Variants in CLSTN2 observed in about 807,000 individuals in gnomAD.
The protein encoded by CLSTN2 is calsyntenin 2, also known as calsyntenin-2.
In CLSTN2, 48 loss-of-function variants were observed where a neutral mutation model predicts 101.2. That is an observed-to-expected ratio of 0.47 (90% CI 0.38 to 0.60). The LOEUF (loss-of-function observed/expected upper bound fraction) is 0.60. CLSTN2 is among the 20% of genes least tolerant of loss of function. The pLI, the probability that CLSTN2 is intolerant of heterozygous loss-of-function variation, is 0.00. For missense variants in CLSTN2, 1,160 were observed against 1,238.2 expected (o/e 0.94, Z 0.95); for synonymous variants, 481 against 463.6 (o/e 1.04, Z -0.48).
intron 1 of CLSTN2, among the ~76,000 whole-genome samples, chr3:139,958,080 G>C (rs1224925034): frequency 6.6e-6 from 1 of 152,154 alleles, no homozygotes; most frequent in Non-Finnish European, 1.5e-5. Context: ...GCTTAGCCAG[G>C]GTGCCTGGCT....
At chr3:140,362,900 C>T (rs141727154) in intron 2 of CLSTN2, among the ~76,000 whole-genome samples, 1,546 of 152,070 alleles carry the variant, frequency 0.01, 34 homozygotes, top group African/African-American at 0.036. Flanking sequence ...AATCATGCCA[C>T]CACTTTAGGA....
intron 1 of CLSTN2, among the ~76,000 whole-genome samples, chr3:140,040,220 A>G (rs1402875384): frequency 6.6e-6 from 1 of 152,142 alleles, no homozygotes; most frequent in Non-Finnish European, 1.5e-5. Flanking sequence ...GACCCCCTAC[A>G]TATGGCTGAG....
chr3:140,068,350 C>G (rs1225271418), intron 1 of CLSTN2, among the ~76,000 whole-genome samples: 3 of 152,130 alleles, frequency 2.0e-5, no homozygotes, highest in Admixed American at 2.0e-4. Flanking sequence ...CTCAATGAAC[C>G]CTTTTAGAGT....
chr3:140,449,452 G>A (rs1259725776), intron 6 of CLSTN2: 1 of 152,232 alleles, frequency 6.6e-6, no homozygotes, highest in Non-Finnish European at 1.5e-5. Context: ...ACAAGTGAGG[G>A]TGAGGGGCTT....
intron 2 of CLSTN2, among the ~76,000 whole-genome samples, chr3:140,207,954 T>TATATAATATATATTTATAATTATATAATA (rs1489306542): frequency 1.3e-5 from 2 of 152,158 alleles, no homozygotes; most frequent in African/African-American, 4.8e-5. Flanking sequence ...TATTTATAAT[T>TATATAATATATATTTATAATTATATAATA]ATAGTAATTA....
At chr3:140,347,658 C>T (rs1034695883) in intron 2 of CLSTN2, among the ~76,000 whole-genome samples, 11 of 152,164 alleles carry the variant, frequency 7.2e-5, no homozygotes, top group Non-Finnish European at 1.5e-4. Flanking sequence ...TTGCTTTCCC[C>T]TCACTCTCAG....
intron 1 of CLSTN2, among the ~76,000 whole-genome samples, chr3:140,117,754 C>T (rs1035972573): frequency 6.6e-6 from 1 of 152,178 alleles, no homozygotes; most frequent in African/African-American, 2.4e-5. Context: ...GGGGCAGATG[C>T]AGTTATGCCC....
chr3:140,200,909 T>C (rs1373123878), intron 2 of CLSTN2, among the ~76,000 whole-genome samples: 3 of 152,102 alleles, frequency 2.0e-5, no homozygotes, highest in Non-Finnish European at 4.4e-5. Flanking sequence ...CCTATCCAAG[T>C]TGACACATCA....
intron 2 of CLSTN2, among the ~76,000 whole-genome samples, chr3:140,317,769 A>T (rs1038212309): frequency 5.9e-5 from 9 of 152,192 alleles, no homozygotes; most frequent in Non-Finnish European, 1.2e-4. Flanking sequence ...TCTCCCTCAC[A>T]TGTAGTACCA....
chr3:140,467,406 G>A (rs1043147358), intron 8 of CLSTN2, among the ~76,000 whole-genome samples: 1 of 152,202 alleles, frequency 6.6e-6, no homozygotes, highest in African/African-American at 2.4e-5. Flanking sequence ...TGTGTAGCAA[G>A]ACTAGAGTTG....
chr3:140,213,321 T>A (rs184943936), intron 2 of CLSTN2, among the ~76,000 whole-genome samples: 2 of 152,202 alleles, frequency 1.3e-5, no homozygotes, highest in Non-Finnish European at 2.9e-5. Flanking sequence ...AAATATGTGA[T>A]ATGATATGGA....
chr3:139,945,099 G>A (rs765948734), intron 1 of CLSTN2, among the ~76,000 whole-genome samples: 3 of 152,122 alleles, frequency 2.0e-5, no homozygotes, highest in African/African-American at 4.8e-5. Context: ...TCATTTTTGT[G>A]ACTTCAGCCA....
At chr3:140,193,133 T>G (rs2010594894) in intron 2 of CLSTN2, among the ~76,000 whole-genome samples, 1 of 151,846 alleles carries the variant, frequency 6.6e-6, no homozygotes, top group Non-Finnish European at 1.5e-5. Context: ...GTATTATAAT[T>G]TTTGCTTAAA....
intron 10 of CLSTN2, among the ~76,000 whole-genome samples, chr3:140,555,917 G>A (rs6773067): frequency 0.087 from 13,300 of 152,222 alleles, 634 homozygotes; most frequent in Non-Finnish European, 0.11. Context: ...ACAAACCCAG[G>A]GCTGCTGGCA....
intron 9 of CLSTN2, among the ~76,000 whole-genome samples, chr3:140,534,394 G>A (rs1466221212): frequency 1.3e-5 from 2 of 152,210 alleles, no homozygotes; most frequent in Non-Finnish European, 2.9e-5. Flanking sequence ...AGCAACTGCT[G>A]CTGAGTTACA....
At chr3:140,081,777 G>A (rs911126865) in intron 1 of CLSTN2, among the ~76,000 whole-genome samples, 3 of 152,102 alleles carry the variant, frequency 2.0e-5, no homozygotes, top group African/African-American at 4.8e-5. Context: ...ACTGGATTTA[G>A]CATCACTCTA....
intron 1 of CLSTN2, among the ~76,000 whole-genome samples, chr3:139,941,351 G>A (rs898601719): frequency 2.4e-4 from 37 of 152,280 alleles, no homozygotes; most frequent in African/African-American, 8.4e-4. Flanking sequence ...TGGTTAGAAT[G>A]AGAGTTAGCC....
intron 5 of CLSTN2, among the ~76,000 whole-genome samples, chr3:140,436,624 G>T (rs575468709): frequency 5.3e-5 from 8 of 152,220 alleles, no homozygotes; most frequent in Non-Finnish European, 1.2e-4. Context: ...CTGGTCAGGT[G>T]AAGAGGGCTA....
intron 2 of CLSTN2, among the ~76,000 whole-genome samples, chr3:140,223,676 T>G (rs2086294580): frequency 6.6e-6 from 1 of 152,208 alleles, no homozygotes; most frequent in Admixed American, 6.5e-5. Flanking sequence ...CTGTTTCCTG[T>G]GCCTCTGTCT....
Sources: allele counts gnomAD v4.1 joint callset (sites outside exome capture counted in the v4.1 genomes callset), GRCh38; gene constraint gnomAD v4.1.1; transcripts MANE v1.5; gene names NCBI Gene and HGNC (gene_info 2026-07-23, HGNC 2026-07-21).